DNAI2: variants seen among roughly 807,000 people sequenced by gnomAD.
DNAI2 encodes the protein dynein axonemal intermediate chain 2.
A neutral mutation model predicts 74.7 loss-of-function variants in DNAI2; 63 were observed. The ratio of observed to expected loss-of-function variants is 0.84; its 90% CI spans 0.69 to 1.04. DNAI2 has a LOEUF of 1.04. DNAI2 is among the 50% of genes least tolerant of loss of function. The probability of loss-of-function intolerance (pLI) is 0.00; values close to 1 mark genes in which losing one functional copy is unlikely to be tolerated. For missense variants in DNAI2, 688 were observed against 803.2 expected (o/e 0.86, Z 1.73); for synonymous variants, 289 against 314.9 (o/e 0.92, Z 0.87).
At chr17:74,280,791 T>A (rs1167765362) in intron 1 of DNAI2, among the ~76,000 whole-genome samples, 2 of 151,996 alleles carry the variant, frequency 1.3e-5, no homozygotes, top group Non-Finnish European at 2.9e-5. Flanking sequence ...ACTGATTCAG[T>A]AAAAACCGTA....
chr17:74,312,336 T>A, intron 12 of DNAI2, 106 bp downstream of exon 12: 2 of 814,146 alleles, frequency 2.5e-6, no homozygotes, highest in Non-Finnish European at 4.0e-6. Flanking sequence ...GAGCAAGTAG[T>A]CTTACCTGCT....
In DNAI2 at chr17:74,288,049, G is replaced by A. The variant is rs553648502; in HGVS notation, c.467+951G>A. 7.2e-5 allele frequency among the ~76,000 whole-genome samples: 11 copies of A among 152,144 alleles called. No individual in the cohort carries two copies. The South Asian group carries it at 2.3e-3, about 32-fold the overall frequency. On this transcript the variant is annotated intron_variant, in intron 4 of 13. Coordinates refer to ENST00000311014, the MANE Select transcript of DNAI2 (RefSeq NM_023036.6). ...AAAACCAAACCAAAACAAAGCCGGT[G>A]CAGAACAGGGTGTGCAGAGTGCCAC... is the stretch of plus-strand genomic sequence containing the variant.
chr17:74,278,316 G>A (rs912166093), intron 1 of DNAI2, among the ~76,000 whole-genome samples: 1 of 152,124 alleles, frequency 6.6e-6, no homozygotes, highest in East Asian at 1.9e-4. Context: ...TGTGGTCCCA[G>A]TTACTCAGAA....
chr17:74,286,800 A>C (rs1461666626), intron 3 of DNAI2, among the ~76,000 whole-genome samples, 177 bp from the exon 4 acceptor site: 1 of 152,156 alleles, frequency 6.6e-6, no homozygotes, highest in Non-Finnish European at 1.5e-5. Flanking sequence ...TGTACCTAAA[A>C]AGCAATATTA....
chr17:74,301,007 A>AG lies in DNAI2; in HGVS notation c.865-36dup, dbSNP rs778405695. ...AGAAGGCAAAAGCCAGGGGAAATAC[A>AG]GGGCCTCGAAGTCTCACTGTCGCCC... On this transcript the variant is annotated intron_variant, in intron 7 of 13. Transcript: ENST00000311014. The AG allele has an allele frequency of 1.8e-5, 29 of 1,611,708 alleles. No individual in the cohort carries two copies. In the East Asian group the frequency reaches 6.5e-4, roughly 36 times the overall value.
At chr17:74,297,528 C>T (rs992979942) in intron 6 of DNAI2, among the ~76,000 whole-genome samples, 13 of 151,852 alleles carry the variant, frequency 8.6e-5, no homozygotes, top group African/African-American at 3.1e-4. Flanking sequence ...GAGGCTGGTG[C>T]ATGCCACCAC....
intron 11 of DNAI2, among the ~76,000 whole-genome samples, chr17:74,311,367 A>G (rs1023709140): frequency 6.6e-6 from 1 of 152,046 alleles, no homozygotes; most frequent in Non-Finnish European, 1.5e-5. Context: ...TAATCCCAGC[A>G]CTTTGGGAGG....
chr17:74,297,990 C>G (rs986782474), intron 6 of DNAI2, among the ~76,000 whole-genome samples: 3 of 152,356 alleles, frequency 2.0e-5, no homozygotes, highest in African/African-American at 7.2e-5. Context: ...GACCTGCTGC[C>G]TCCTGCCCAG....
chr17:74,302,899 T>C (rs1019457316), intron 8 of DNAI2, among the ~76,000 whole-genome samples: 2 of 152,156 alleles, frequency 1.3e-5, no homozygotes, highest in Non-Finnish European at 1.5e-5. Flanking sequence ...GAGGAGACAA[T>C]TCCACTGACC....
intron 2 of DNAI2, among the ~76,000 whole-genome samples, chr17:74,282,659 G>A (rs12938663): frequency 0.12 from 18,013 of 152,200 alleles, 1,285 homozygotes; most frequent in Non-Finnish European, 0.16. Context: ...CCCAGCTTGA[G>A]AAAAGGGAAG....
At position 74,299,796 on chromosome 17, in the gene DNAI2, G is replaced by A. The variant is rs1421854558; in HGVS notation, c.803G>A (p.Gly268Asp). ...IESSHRDPVY[G>D]TIWLQSKTGT... is the part of the protein sequence containing the mutation. Reference sequence around the variant, plus strand: ...TCCAGCCACCGAGACCCTGTGTATGGCACCATCTGGCTGCAGTCGAAGACG... The same window carrying A: ...TCCAGCCACCGAGACCCTGTGTATGACACCATCTGGCTGCAGTCGAAGACG... Residue 268 changes from glycine to aspartate, a missense_variant, in exon 7 of 14, where the codon GGC becomes GAC. Gly to Asp is a moderately conservative substitution (Grantham distance 94). Coordinates refer to ENST00000311014, the MANE Select transcript of DNAI2 (RefSeq NM_023036.6). 4 of 1,613,364 alleles carry A rather than the reference G, an allele frequency of 2.5e-6. No homozygotes were observed. The highest frequency in any genetic ancestry group is 1.6e-4 in the Middle Eastern group (1 of 6,084).
chr17:74,312,026 A>G lies in DNAI2; in HGVS notation c.1518A>G (p.Arg506=). 1 of 1,611,416 alleles carries G rather than the reference A, an allele frequency of 6.2e-7. No homozygotes were observed. The highest frequency in any genetic ancestry group is 8.5e-7 in the Non-Finnish European group (1 of 1,179,586). Residue 506 remains arginine, a synonymous_variant, in exon 12 of 14, where the codon CGA becomes CGG. Coordinates refer to ENST00000311014, the MANE Select transcript of DNAI2 (RefSeq NM_023036.6). ...ASSMFERETR[R]EKILEARHRE... is the part of the protein sequence containing the mutation. Reference sequence around the variant, plus strand: ...AGATGTTTGAGCGTGAGACCCGGCGAGAGAAGATCCTGGAGGCCAGGCACC... The same window carrying G: ...AGATGTTTGAGCGTGAGACCCGGCGGGAGAAGATCCTGGAGGCCAGGCACC...
chr17:74,282,500 C>T (rs1254338384), intron 2 of DNAI2, among the ~76,000 whole-genome samples: 2 of 152,242 alleles, frequency 1.3e-5, no homozygotes, highest in East Asian at 3.9e-4. Context: ...GAGGTTTTGC[C>T]ATGTTGCCCA....
intron 6 of DNAI2, among the ~76,000 whole-genome samples, chr17:74,299,019 A>G (rs1480727258): frequency 1.3e-5 from 2 of 152,238 alleles, no homozygotes; most frequent in African/African-American, 4.8e-5. Flanking sequence ...CTTACGAGCT[A>G]AGTACTTTTG....
rs763354596 is a variant in DNAI2, at chr17:74,309,966, A to T, written c.1348-51A>T. The T allele has an allele frequency of 3.3e-6, 5 of 1,532,754 alleles. No homozygotes were observed. In the East Asian group the frequency reaches 9.7e-5, roughly 30 times the overall value. The allele number at this position is 1,532,754 out of a possible 1,614,324, so 94.9% of individuals were successfully genotyped here. On this transcript the variant is annotated intron_variant, in intron 10 of 13. Transcript: ENST00000311014. ...CCAGGGGCCAGTTAATCAGACACAC[A>T]TAACTTTGCTCCTCTCTCCTCTACC...
intron 1 of DNAI2, among the ~76,000 whole-genome samples, chr17:74,279,861 T>C (rs1277837378): frequency 6.6e-6 from 1 of 152,192 alleles, no homozygotes; most frequent in African/African-American, 2.4e-5. Flanking sequence ...CCTTTGGTTG[T>C]AAATCTACCA....
In DNAI2 at chr17:74,311,991, C is replaced by G. The variant is rs772697427; in HGVS notation, c.1495-12C>G. 73 of 1,611,086 alleles carry G rather than the reference C, an allele frequency of 4.5e-5. No individual in the cohort carries two copies. The highest frequency in any genetic ancestry group is 5.9e-5 in the Non-Finnish European group (70 of 1,179,640). Reference sequence around the variant, plus strand: ...TCTCCCCACCGGGCTCTCTCTGTCCCTGGGTGCCCAGATGTTTGAGCGTGA... The same window carrying G: ...TCTCCCCACCGGGCTCTCTCTGTCCGTGGGTGCCCAGATGTTTGAGCGTGA... On this transcript the variant is annotated splice_polypyrimidine_tract_variant and intron_variant, in intron 11 of 13. Coordinates refer to ENST00000311014, the MANE Select transcript of DNAI2 (RefSeq NM_023036.6).
At chr17:74,299,903 G>A in intron 7 of DNAI2, 46 bp downstream of exon 7, 4 of 1,611,088 alleles carry the variant, frequency 2.5e-6, no homozygotes, top group Non-Finnish European at 3.4e-6. Context: ...GGGAGGGGCA[G>A]TAACTGTTCC....
chr17:74,299,165 A>C (rs943157914), intron 6 of DNAI2, among the ~76,000 whole-genome samples: 3 of 152,196 alleles, frequency 2.0e-5, no homozygotes, highest in Non-Finnish European at 4.4e-5. Flanking sequence ...TTGGCAAAGC[A>C]CTAATAACAG....
Sources: gnomAD v4.1 joint callset for allele counts (sites outside exome capture counted in the v4.1 genomes callset) on GRCh38, gnomAD v4.1.1 for gene constraint, MANE v1.5 for transcripts, NCBI Gene and HGNC (gene_info 2026-07-23, HGNC 2026-07-21) for gene names.